Variants in MAP7 observed in about 807,000 individuals in gnomAD.
MAP7 encodes ensconsin.
A neutral mutation model predicts 94.8 loss-of-function variants in MAP7; 52 were observed. That is an observed-to-expected ratio of 0.55 (90% CI 0.44 to 0.69). MAP7 has a LOEUF of 0.69. MAP7 is among the 30% of genes least tolerant of loss of function. The probability of loss-of-function intolerance (pLI) is 0.00; values close to 1 mark genes in which losing one functional copy is unlikely to be tolerated. For missense variants in MAP7, 940 were observed against 964.6 expected (o/e 0.97, Z 0.34); for synonymous variants, 350 against 357.0 (o/e 0.98, Z 0.22).
In MAP7 at chr6:136,418,396, T is replaced by C. The variant is rs144737383; in HGVS notation, c.166+3305A>G. 3.8e-3 allele frequency among the ~76,000 whole-genome samples: 577 copies of C among 152,242 alleles called. 4 individuals are homozygous for C. The highest frequency in any genetic ancestry group is 0.013 in the African/African-American group (555 of 41,556). The stretch of plus-strand genomic sequence containing the variant: ...TGCCTGGCTAATTTTTGTATTTTTA[T>C]TACAGACAGGGTTTCACCATGTTGG... On this transcript the variant is annotated intron_variant, in intron 2 of 17. Transcript: ENST00000354570.
intron 15 of MAP7, 50 bp downstream of exon 15, chr6:136,359,770 A>C: frequency 6.5e-7 from 1 of 1,541,562 alleles, no homozygotes; most frequent in Non-Finnish European, 8.9e-7. Context: ...CTGGAGAGTC[A>C]ATTTAAACAT....
intron 2 of MAP7, among the ~76,000 whole-genome samples, chr6:136,417,342 G>A (rs1789827938): frequency 6.6e-6 from 1 of 152,150 alleles, no homozygotes; most frequent in South Asian, 2.1e-4. Flanking sequence ...GAAAGGGAGT[G>A]CCATTAAAAT....
chr6:136,440,411 T>C (rs888266370), intron 1 of MAP7, among the ~76,000 whole-genome samples: 9 of 152,010 alleles, frequency 5.9e-5, no homozygotes, highest in African/African-American at 2.2e-4. Context: ...AGTAGGTATG[T>C]GGGTGGGAGG....
intron 7 of MAP7, among the ~76,000 whole-genome samples, chr6:136,375,995 A>G (rs1338163385): frequency 6.6e-6 from 1 of 152,178 alleles, no homozygotes; most frequent in African/African-American, 2.4e-5. Context: ...AGTAAAGACA[A>G]TTTCCCAGCT....
At chr6:136,466,161 T>C (rs997516311) in intron 1 of MAP7, among the ~76,000 whole-genome samples, 1 of 152,030 alleles carries the variant, frequency 6.6e-6, no homozygotes, top group African/African-American at 2.4e-5. Context: ...GCAGCACAAA[T>C]AATGTTTCTG....
chr6:136,456,680 GAAA>G, intron 1 of MAP7, among the ~76,000 whole-genome samples: 1 of 7,446 alleles, frequency 1.3e-4, no homozygotes, highest in African/African-American at 2.8e-4. Flanking sequence ...TCAAAAAGAA[GAAA>G]GAAGAAAGAA....
At chr6:136,358,948 C>A (rs1399464268) in intron 15 of MAP7, among the ~76,000 whole-genome samples, 1 of 152,154 alleles carries the variant, frequency 6.6e-6, no homozygotes, top group African/African-American at 2.4e-5. Context: ...TTTGTTCACA[C>A]TGAATCCCAG....
At chr6:136,392,388 C>CTTTTTTTTT (rs11347286) in intron 3 of MAP7, among the ~76,000 whole-genome samples, 1 of 102,616 alleles carries the variant, frequency 9.7e-6, no homozygotes, top group African/African-American at 3.7e-5. Flanking sequence ...CTGCATCTTG[C>CTTTTTTTTT]TTTTTTTTTT....
chr6:136,412,390 T>C (rs564273509), intron 2 of MAP7, among the ~76,000 whole-genome samples: 22 of 152,268 alleles, frequency 1.4e-4, no homozygotes, highest in South Asian at 1.2e-3. Context: ...ATTTACATTC[T>C]ACTTGGGAAA....
rs1780140067 is a variant in MAP7 at position 136,389,611 on chromosome 6, A to G, written c.245-94T>C. ...TTAGGGCTGTATTAAGTGGTCTACA[A>G]TGAACAAATATGGGTTCTTTAGTTT... On this transcript the variant is annotated intron_variant, in intron 3 of 17. Transcript: ENST00000354570. 61 of 1,090,670 alleles carry G rather than the reference A, an allele frequency of 5.6e-5. 3 individuals are homozygous for G. In the South Asian group the frequency reaches 8.1e-4, roughly 14 times the overall value. The allele number at this position is 1,090,670 out of a possible 1,614,324, so 67.6% of individuals were successfully genotyped here. A position where few individuals can be genotyped will look rare whatever the true frequency, so the allele number is the denominator to read the frequency against.
At chr6:136,395,639 T>C (rs560272430) in intron 3 of MAP7, among the ~76,000 whole-genome samples, 14 of 152,176 alleles carry the variant, frequency 9.2e-5, no homozygotes, top group African/African-American at 3.1e-4. Context: ...TTCAGACCAA[T>C]GTCCTGAAGC....
At chr6:136,518,763 G>A (rs1309079131) in intron 1 of MAP7, among the ~76,000 whole-genome samples, 2 of 152,106 alleles carry the variant, frequency 1.3e-5, no homozygotes, top group Non-Finnish European at 2.9e-5. Flanking sequence ...AGATGTTAAT[G>A]GAAATGGACA....
At chr6:136,394,401 A>T (rs1241792080) in intron 3 of MAP7, among the ~76,000 whole-genome samples, 2 of 151,942 alleles carry the variant, frequency 1.3e-5, no homozygotes, top group African/African-American at 2.4e-5. Flanking sequence ...TATTTTTTAT[A>T]ACCAGTTACC....
At chr6:136,480,382 A>G (rs911444258) in intron 1 of MAP7, among the ~76,000 whole-genome samples, 1 of 152,134 alleles carries the variant, frequency 6.6e-6, no homozygotes, top group African/African-American at 2.4e-5. Context: ...ACTTCAAACT[A>G]TGAAACTACT....
At chr6:136,488,321 C>A (rs9402814) in intron 1 of MAP7, among the ~76,000 whole-genome samples, 12,287 of 151,766 alleles carry the variant, frequency 0.081, 1,111 homozygotes, top group African/African-American at 0.22. Context: ...TTTATGAAGA[C>A]AATATGCTCC....
At chr6:136,469,351 C>T (rs529587943) in intron 1 of MAP7, among the ~76,000 whole-genome samples, 1 of 149,504 alleles carries the variant, frequency 6.7e-6, no homozygotes, top group Admixed American at 6.7e-5. Context: ...TTCTTTCTTG[C>T]TTGCTTGCTT....
At chr6:136,465,004 C>T (rs1241836809) in intron 1 of MAP7, among the ~76,000 whole-genome samples, 1 of 152,182 alleles carries the variant, frequency 6.6e-6, no homozygotes, top group Non-Finnish European at 1.5e-5. Flanking sequence ...GTTCATTATT[C>T]CACAGCAGCT....
At chr6:136,390,589 G>C (rs1780427050) in intron 3 of MAP7, among the ~76,000 whole-genome samples, 1 of 152,156 alleles carries the variant, frequency 6.6e-6, no homozygotes, top group Non-Finnish European at 1.5e-5. Context: ...GGAGGCGGAT[G>C]TTGCAGCAAG....
intron 3 of MAP7, among the ~76,000 whole-genome samples, chr6:136,400,221 C>T (rs1783679809): frequency 6.6e-6 from 1 of 151,922 alleles, no homozygotes; most frequent in African/African-American, 2.4e-5. Flanking sequence ...TCGAGACCAT[C>T]CTGGCTAACA....
Sources: gnomAD v4.1 joint callset for allele counts (sites outside exome capture counted in the v4.1 genomes callset) on GRCh38, gnomAD v4.1.1 for gene constraint, MANE v1.5 for transcripts, NCBI Gene and HGNC (gene_info 2026-07-23, HGNC 2026-07-21) for gene names.